The following L3MBTL3 variants were observed in gnomAD, a reference collection of about 807,000 sequenced individuals.
L3MBTL3 encodes lethal(3)malignant brain tumor-like protein 3.
A neutral mutation model predicts 102.3 loss-of-function variants in L3MBTL3; 27 were observed. That is an observed-to-expected ratio of 0.26 (90% CI 0.19 to 0.36). The LOEUF is 0.36. Among genes scored for constraint, L3MBTL3 ranks in the 10% least tolerant of loss-of-function variants. The pLI is 1.00. For missense variants in L3MBTL3, 798 were observed against 955.3 expected, an observed-to-expected ratio of 0.84 and a Z score of 2.17; for synonymous variants, 340 against 320.9, an observed-to-expected ratio of 1.06 and a Z score of -0.64.
chr6:130,039,961 G>C (rs1241806025), intron 2 of L3MBTL3, among the ~76,000 whole-genome samples: 1 of 152,202 alleles, frequency 6.6e-6, no homozygotes, highest in Non-Finnish European at 1.5e-5. Flanking sequence ...GTTTCTTAAA[G>C]ATTATTTGCA....
chr6:130,078,341 C>A (rs1338425188), intron 13 of L3MBTL3, among the ~76,000 whole-genome samples: 1 of 152,112 alleles, frequency 6.6e-6, no homozygotes, highest in Non-Finnish European at 1.5e-5. Flanking sequence ...AAGAAAATTG[C>A]ATGGTGTCAA....
At chr6:130,109,610 T>C (rs893479849) in intron 19 of L3MBTL3, among the ~76,000 whole-genome samples, 1 of 152,194 alleles carries the variant, frequency 6.6e-6, no homozygotes, top group Non-Finnish European at 1.5e-5. Context: ...ATCTTAGACC[T>C]TTGTCAGATG....
At position 130,139,826 on chromosome 6, in the gene L3MBTL3, A is replaced by G. The variant is rs1788110543; in HGVS notation, c.*73A>G. 1.4e-6 allele frequency: 2 copies of G among 1,430,142 alleles called. No individual in the cohort carries two copies. Among genetic ancestry groups the G allele is most frequent in the East Asian group, 2.3e-5 (1 of 43,200 alleles). The allele number at this position is 1,430,142 out of a possible 1,614,324, so 88.6% of individuals were successfully genotyped here. A position where few individuals can be genotyped will look rare whatever the true frequency, so the allele number is the denominator to read the frequency against. On this transcript the variant is annotated 3_prime_UTR_variant, in exon 23 of 23. Coordinates refer to ENST00000361794, the MANE Select transcript of L3MBTL3 (RefSeq NM_032438.4). ...TTTTATTCAAAGCACAAGGACGGTT[A>G]TAACTCCTAAGTGAGAAGTCTCCAA...
chr6:130,058,355 C>T (rs868013886), intron 9 of L3MBTL3, among the ~76,000 whole-genome samples: 22 of 151,580 alleles, frequency 1.5e-4, no homozygotes, highest in Non-Finnish European at 1.5e-4. Flanking sequence ...AGTTGGGGTC[C>T]GGGTGTGGTG....
chr6:130,109,479 A>T (rs1000869988), intron 19 of L3MBTL3, among the ~76,000 whole-genome samples: 1 of 152,254 alleles, frequency 6.6e-6, no homozygotes. Context: ...TTGTTTTCAC[A>T]TGTTTGTTGG....
intron 2 of L3MBTL3, among the ~76,000 whole-genome samples, chr6:130,027,348 C>G (rs987769361): frequency 6.6e-6 from 1 of 152,118 alleles, no homozygotes; most frequent in Non-Finnish European, 1.5e-5. Context: ...TGGAATTAAG[C>G]TAATTTAGTT....
chr6:130,108,261 G>A (rs1785123394), intron 19 of L3MBTL3, among the ~76,000 whole-genome samples: 2 of 107,890 alleles, frequency 1.9e-5, no homozygotes, highest in Non-Finnish European at 3.7e-5. Context: ...TTTAGATGGA[G>A]TCTTGCTCTG....
At chr6:130,052,774 TA>T (rs1274498247) in intron 6 of L3MBTL3, 84 bp from the exon 7 acceptor site, 43 of 1,465,112 alleles carry the variant, frequency 2.9e-5, no homozygotes, top group Non-Finnish European at 2.4e-5. Flanking sequence ...GATTTTTTTT[TA>T]ATGATTGTTG....
At chr6:130,080,723 A>G (rs1783285076) in intron 14 of L3MBTL3, among the ~76,000 whole-genome samples, 1 of 152,250 alleles carries the variant, frequency 6.6e-6, no homozygotes, top group Admixed American at 6.5e-5. Context: ...TGAAAATACC[A>G]AATACACAAC....
intron 14 of L3MBTL3, among the ~76,000 whole-genome samples, chr6:130,083,014 A>G (rs1362023446): frequency 6.6e-6 from 1 of 152,122 alleles, no homozygotes; most frequent in Admixed American, 6.6e-5. Flanking sequence ...ATTCCTGCTC[A>G]TGCCTACCTA....
chr6:130,035,257 A>AATATAAG (rs1448571874), intron 2 of L3MBTL3, among the ~76,000 whole-genome samples: 4 of 152,338 alleles, frequency 2.6e-5, no homozygotes, highest in African/African-American at 9.6e-5. Flanking sequence ...GGGGTTTTTG[A>AATATAAG]ATATAAGATA....
intron 20 of L3MBTL3, among the ~76,000 whole-genome samples, chr6:130,128,561 C>T (rs191361526): frequency 5.9e-5 from 9 of 152,178 alleles, no homozygotes; most frequent in Admixed American, 3.3e-4. Flanking sequence ...TGCTTATGTC[C>T]GTTAGTCATA....
At chr6:130,080,534 GAAC>G (rs903150809) in intron 14 of L3MBTL3, among the ~76,000 whole-genome samples, 2 of 152,064 alleles carry the variant, frequency 1.3e-5, no homozygotes, top group East Asian at 1.9e-4. Context: ...ATGAACCAGT[GAAC>G]AACAACAGGT....
intron 10 of L3MBTL3, 37 bp downstream of exon 10, chr6:130,060,177 T>C (rs772177192): frequency 4.0e-6 from 5 of 1,256,718 alleles, no homozygotes; most frequent in East Asian, 4.9e-5. Context: ...TAAAATAAAA[T>C]GGTGATTATG....
At chr6:130,108,615 T>C (rs1182407883) in intron 19 of L3MBTL3, among the ~76,000 whole-genome samples, 1 of 152,166 alleles carries the variant, frequency 6.6e-6, no homozygotes, top group Non-Finnish European at 1.5e-5. Context: ...TAGGAGCAAA[T>C]GAATGGCTGG....
intron 14 of L3MBTL3, among the ~76,000 whole-genome samples, chr6:130,080,593 G>T (rs886637628): frequency 6.6e-6 from 1 of 151,950 alleles, no homozygotes; most frequent in Non-Finnish European, 1.5e-5. Flanking sequence ...CGTTATTGCC[G>T]ACTTCTTAAC....
At chr6:130,094,706 A>G (rs1473571599) in intron 18 of L3MBTL3, among the ~76,000 whole-genome samples, 2 of 152,202 alleles carry the variant, frequency 1.3e-5, no homozygotes, top group African/African-American at 4.8e-5. Context: ...ATTTGGTAGA[A>G]TATTATCTGA....
intron 20 of L3MBTL3, among the ~76,000 whole-genome samples, chr6:130,124,485 A>T (rs951464134): frequency 2.0e-5 from 3 of 152,158 alleles, no homozygotes; most frequent in Non-Finnish European, 4.4e-5. Flanking sequence ...TGGCTCTTAA[A>T]TTCTGCCTTC....
At chr6:130,022,345 G>A (rs1779069097) in intron 2 of L3MBTL3, 40 bp downstream of exon 2, 2 of 152,178 alleles carry the variant, frequency 1.3e-5, no homozygotes, top group Admixed American at 1.3e-4. Flanking sequence ...TGACATACCT[G>A]CAAATGTTAA....
Sources: allele counts gnomAD v4.1 joint callset (sites outside exome capture counted in the v4.1 genomes callset), GRCh38; gene constraint gnomAD v4.1.1; transcripts MANE v1.5; gene names NCBI Gene and HGNC (gene_info 2026-07-23, HGNC 2026-07-21).